Variants in RASSF6 observed in about 807,000 individuals in gnomAD.
RASSF6 encodes the protein ras association domain-containing protein 6.
RASSF6 carries 52 observed loss-of-function variants against 44.0 expected under a neutral mutation model. The ratio of observed to expected loss-of-function variants is 1.18; its 90% CI spans 0.95 to 1.49. The LOEUF (loss-of-function observed/expected upper bound fraction) is 1.49. Ranked by LOEUF, RASSF6 falls within the 40% of genes most tolerant of loss-of-function variation. The probability of loss-of-function intolerance (pLI) is 0.00; values close to 1 mark genes in which losing one functional copy is unlikely to be tolerated. For missense variants in RASSF6, 464 were observed against 393.3 expected, an observed-to-expected ratio of 1.18 and a Z score of -1.52; for synonymous variants, 162 against 124.6, an observed-to-expected ratio of 1.30 and a Z score of -2.00.
At chr4:73,602,374 A>G (rs1725330371) in intron 2 of RASSF6, among the ~76,000 whole-genome samples, 1 of 152,216 alleles carries the variant, frequency 6.6e-6, no homozygotes, top group Non-Finnish European at 1.5e-5. Context: ...AATGAGGCTG[A>G]TGTTCCACGG....
intron 1 of RASSF6, among the ~76,000 whole-genome samples, chr4:73,614,310 AC>A (rs1414551829): frequency 6.6e-6 from 1 of 152,166 alleles, no homozygotes; most frequent in Non-Finnish European, 1.5e-5. Context: ...TCCCCACAAA[AC>A]CTAGATGTTG....
chr4:73,609,307 T>C (rs1725855776), intron 2 of RASSF6, among the ~76,000 whole-genome samples: 1 of 152,178 alleles, frequency 6.6e-6, no homozygotes, highest in Non-Finnish European at 1.5e-5. Flanking sequence ...AAAACATTTA[T>C]TTTTATTTTT....
chr4:73,608,302 A>G (rs1220693556), intron 2 of RASSF6, among the ~76,000 whole-genome samples: 1 of 151,996 alleles, frequency 6.6e-6, no homozygotes, highest in Non-Finnish European at 1.5e-5. Context: ...TAATTGATAA[A>G]ACAGGTAACT....
At chr4:73,590,956 A>G (rs1264165659) in intron 4 of RASSF6, among the ~76,000 whole-genome samples, 1 of 152,236 alleles carries the variant, frequency 6.6e-6, no homozygotes, top group African/African-American at 2.4e-5. Context: ...TGAGGATATT[A>G]TTTTAGAACC....
intron 1 of RASSF6, among the ~76,000 whole-genome samples, chr4:73,616,730 T>G (rs907564745): frequency 9.2e-5 from 14 of 152,224 alleles, no homozygotes; most frequent in African/African-American, 3.4e-4. Flanking sequence ...AAGTGTGTAT[T>G]TCAATTATGA....
rs139123620 is a variant in RASSF6, at chr4:73,607,785, T to C, written c.65+3946A>G. Among the ~76,000 whole-genome samples the C allele has an allele frequency of 4.3e-4, 65 of 152,252 alleles. 2 individuals are homozygous for C. Among genetic ancestry groups the C allele is most frequent in the African/African-American group, 1.5e-3 (61 of 41,550 alleles). ...CTCAGGTTTGAGCTACAGCTTCAGATTGCAAGCTCCACAAGAGTAGGACAG... is the reference window on the plus strand; with the variant it reads ...CTCAGGTTTGAGCTACAGCTTCAGACTGCAAGCTCCACAAGAGTAGGACAG... On this transcript the variant is annotated intron_variant, in intron 2 of 10. Coordinates refer to ENST00000307439, the MANE Select transcript of RASSF6 (RefSeq NM_177532.5).
intron 2 of RASSF6, among the ~76,000 whole-genome samples, chr4:73,604,884 C>CTTTTTTT (rs35609056): frequency 1.3e-4 from 18 of 138,330 alleles, no homozygotes; most frequent in Non-Finnish European, 1.7e-4. Context: ...CATTTTCTTT[C>CTTTTTTT]TTTTTTTTTT....
intron 8 of RASSF6, among the ~76,000 whole-genome samples, chr4:73,578,087 A>T (rs1723359136): frequency 6.6e-6 from 1 of 151,232 alleles, no homozygotes; most frequent in Non-Finnish European, 1.5e-5. Context: ...CACAAAATAT[A>T]AAAGAAAATG....
Position 73,580,130 on chromosome 4 carries a change from T to A in RASSF6, c.721+1687A>T, listed in dbSNP as rs1298555606. The stretch of plus-strand genomic sequence containing the variant: ...GAGTGAGAATATGCGGTGTTTGGTT[T>A]TTTGTTCTTGCGATAGTTTACTAAG... On this transcript the variant is annotated intron_variant, in intron 8 of 10. Coordinates refer to ENST00000307439, the MANE Select transcript of RASSF6 (RefSeq NM_177532.5). 2.6e-4 allele frequency among the ~76,000 whole-genome samples: 40 copies of A among 150,976 alleles called. 1 individual carries two copies. In the East Asian group the frequency reaches 6.7e-3, roughly 25 times the overall value.
chr4:73,579,902 A>G, intron 8 of RASSF6, among the ~76,000 whole-genome samples: 1 of 151,826 alleles, frequency 6.6e-6, no homozygotes, highest in East Asian at 1.9e-4. Context: ...TTTAAGTTTT[A>G]GGGTACATGT....
chr4:73,583,938 C>A (rs1331162115), intron 6 of RASSF6, among the ~76,000 whole-genome samples: 1 of 152,142 alleles, frequency 6.6e-6, no homozygotes, highest in Non-Finnish European at 1.5e-5. Context: ...GTGTCAATTT[C>A]ATTTCCAGCA....
intron 1 of RASSF6, among the ~76,000 whole-genome samples, chr4:73,612,601 T>C (rs950331333): frequency 8.6e-5 from 13 of 151,996 alleles, no homozygotes; most frequent in Admixed American, 5.9e-4. Context: ...TTATATGTCC[T>C]AACTCTTCAG....
intron 1 of RASSF6, among the ~76,000 whole-genome samples, chr4:73,612,493 TTTAAAA>T (rs748080968): frequency 7.7e-5 from 1 of 12,996 alleles, no homozygotes; most frequent in Non-Finnish European, 1.4e-3. Flanking sequence ...TTTTTTTTTT[TTTAAAA>T]AAAAAAACGT....
intron 1 of RASSF6, among the ~76,000 whole-genome samples, chr4:73,613,915 C>G (rs1041551544): frequency 2.6e-5 from 4 of 152,160 alleles, no homozygotes; most frequent in Admixed American, 6.5e-5. Flanking sequence ...GTAATCGAAT[C>G]TGTCTCCATC....
chr4:73,617,142 G>A (rs1296097420), intron 1 of RASSF6, among the ~76,000 whole-genome samples: 1 of 152,190 alleles, frequency 6.6e-6, no homozygotes, highest in Admixed American at 6.5e-5. Context: ...TGTTGGTTTT[G>A]AGATAGAAAT....
chr4:73,576,761 C>T (rs1723264849), intron 8 of RASSF6, 30 bp from the exon 9 acceptor site: 1 of 1,274,902 alleles, frequency 7.8e-7, no homozygotes, highest in African/African-American at 1.5e-5. Flanking sequence ...CAACCACAAT[C>T]AGAAGTTCAT....
rs180864315 is a variant in RASSF6, at chr4:73,578,656, C to T, written c.722-1925G>A. On this transcript the variant is annotated intron_variant, in intron 8 of 10. Transcript: ENST00000307439. ...TTTTTCTCTTTTTTTTTTTTTTAGA[C>T]GGAGTGCAATGGCACGATCTCAGCT... Among the ~76,000 whole-genome samples, 235 of 143,872 alleles carry T rather than the reference C, an allele frequency of 1.6e-3. 5 individuals are homozygous for T. In the East Asian group the frequency reaches 0.045, roughly 27 times the overall value. 94.4% of individuals were successfully genotyped at this position (143,872 alleles called of 152,430 possible).
At chr4:73,616,227 A>G (rs999525670) in intron 1 of RASSF6, among the ~76,000 whole-genome samples, 3 of 138,684 alleles carry the variant, frequency 2.2e-5, no homozygotes, top group African/African-American at 8.3e-5. Flanking sequence ...ATCTATATCT[A>G]TCTATCTATC....
intron 2 of RASSF6, among the ~76,000 whole-genome samples, chr4:73,607,142 C>T (rs1725696096): frequency 6.6e-6 from 1 of 152,226 alleles, no homozygotes. Context: ...ATTCTCCACA[C>T]TAAATCCAGA....
Sources: gnomAD v4.1 joint callset for allele counts (sites outside exome capture counted in the v4.1 genomes callset) on GRCh38, gnomAD v4.1.1 for gene constraint, MANE v1.5 for transcripts, NCBI Gene and HGNC (gene_info 2026-07-23, HGNC 2026-07-21) for gene names.